CAMK1D: variants seen among roughly 807,000 people sequenced by gnomAD.
CAMK1D encodes calcium/calmodulin-dependent protein kinase type 1D.
In CAMK1D, 9 loss-of-function variants were observed where a neutral mutation model predicts 47.7. That is an observed-to-expected ratio of 0.19 (90% CI 0.11 to 0.33). The LOEUF is 0.33. Among genes scored for constraint, CAMK1D ranks in the 10% least tolerant of loss-of-function variants. The probability of loss-of-function intolerance (pLI) is 1.00; values close to 1 mark genes in which losing one functional copy is unlikely to be tolerated. For missense variants in CAMK1D, 291 were observed against 488.7 expected (o/e 0.60, Z 3.81); for synonymous variants, 184 against 184.9 (o/e 0.99, Z 0.04).
intron 1 of CAMK1D, among the ~76,000 whole-genome samples, chr10:12,399,491 A>G (rs547298877): frequency 2.4e-4 from 36 of 151,836 alleles, no homozygotes; most frequent in African/African-American, 8.7e-4. Context: ...GTGACAGAGC[A>G]AGACTCCGTC....
rs898245694 is a variant in CAMK1D at position 12,520,340 on chromosome 10, G to C, written c.93-32885G>C. Among the ~76,000 whole-genome samples, 3 of 93,906 alleles carry C rather than the reference G, an allele frequency of 3.2e-5. 1 individual carries two copies. In the South Asian group the frequency reaches 1.6e-3, roughly 50 times the overall value. 61.6% of individuals were successfully genotyped at this position (93,906 alleles called of 152,430 possible). A position where few individuals can be genotyped will look rare whatever the true frequency, so the allele number is the denominator to read the frequency against. ...CCCACTCAGACGATGGGCGGGTCAG[G>C]CAGAGATGCTCCTCACTTCCTAGTT... On this transcript the variant is annotated intron_variant, in intron 1 of 10. Coordinates refer to ENST00000619168, the MANE Select transcript of CAMK1D (RefSeq NM_153498.4).
intron 2 of CAMK1D, among the ~76,000 whole-genome samples, chr10:12,601,794 C>G (rs538641269): frequency 6.6e-6 from 1 of 152,304 alleles, no homozygotes; most frequent in South Asian, 2.1e-4. Context: ...AAATTCTAAA[C>G]ACAGTGGCAA....
chr10:12,466,189 C>T (rs1023707993), intron 1 of CAMK1D, among the ~76,000 whole-genome samples: 5 of 151,918 alleles, frequency 3.3e-5, no homozygotes, highest in South Asian at 4.2e-4. Context: ...GGGCAGATCA[C>T]GAGGTCAGGA....
chr10:12,773,089 G>A (rs1837114915), intron 5 of CAMK1D, among the ~76,000 whole-genome samples: 1 of 152,148 alleles, frequency 6.6e-6, no homozygotes, highest in South Asian at 2.1e-4. Context: ...CCTTGTCATG[G>A]TGTGATCACA....
intron 2 of CAMK1D, among the ~76,000 whole-genome samples, chr10:12,628,787 C>T (rs1251595203): frequency 1.3e-5 from 2 of 152,196 alleles, no homozygotes; most frequent in African/African-American, 2.4e-5. Flanking sequence ...TCTTCCCTCC[C>T]TTCCCCTTCT....
At chr10:12,722,946 G>A (rs941725662) in intron 3 of CAMK1D, among the ~76,000 whole-genome samples, 7 of 152,252 alleles carry the variant, frequency 4.6e-5, no homozygotes, top group African/African-American at 1.2e-4. Flanking sequence ...AGGTATAATC[G>A]GTGCTCTCGG....
At chr10:12,797,791 G>T (rs1041239654) in intron 6 of CAMK1D, among the ~76,000 whole-genome samples, 2 of 152,238 alleles carry the variant, frequency 1.3e-5, no homozygotes, top group Admixed American at 1.3e-4. Flanking sequence ...TGCAGCTTTA[G>T]TTGCAGGCAG....
At chr10:12,753,592 C>T (rs1174022863) in intron 3 of CAMK1D, among the ~76,000 whole-genome samples, 1 of 152,194 alleles carries the variant, frequency 6.6e-6, no homozygotes, top group Non-Finnish European at 1.5e-5. Context: ...TTAGAACGGG[C>T]TGCCTCACCC....
At chr10:12,409,496 C>T (rs917060752) in intron 1 of CAMK1D, among the ~76,000 whole-genome samples, 2 of 152,204 alleles carry the variant, frequency 1.3e-5, no homozygotes, top group African/African-American at 4.8e-5. Context: ...GTGGCCCAGG[C>T]TGCTCTTGAA....
chr10:12,421,423 A>G (rs891933151), intron 1 of CAMK1D, among the ~76,000 whole-genome samples: 1 of 151,086 alleles, frequency 6.6e-6, no homozygotes, highest in Non-Finnish European at 1.5e-5. Context: ...GTCCAGCCAG[A>G]ATGATCAAAC....
At chr10:12,414,786 G>C (rs565267647) in intron 1 of CAMK1D, among the ~76,000 whole-genome samples, 12 of 152,164 alleles carry the variant, frequency 7.9e-5, no homozygotes, top group Admixed American at 7.2e-4. Flanking sequence ...TTGATTAGTT[G>C]AATGATTGAT....
chr10:12,557,123 A>G (rs1836786578), intron 2 of CAMK1D, among the ~76,000 whole-genome samples: 1 of 152,304 alleles, frequency 6.6e-6, no homozygotes, highest in Admixed American at 6.5e-5. Flanking sequence ...GGGCAGGTCA[A>G]GAGTCTGGAC....
intron 1 of CAMK1D, among the ~76,000 whole-genome samples, chr10:12,381,145 C>G (rs188536597): frequency 4.7e-4 from 72 of 152,202 alleles, no homozygotes; most frequent in African/African-American, 1.6e-3. Flanking sequence ...AAAATAATAG[C>G]AAAAGGAGGT....
chr10:12,559,328 C>T (rs150210485), intron 2 of CAMK1D, among the ~76,000 whole-genome samples: 7 of 152,242 alleles, frequency 4.6e-5, no homozygotes, highest in African/African-American at 1.7e-4. Flanking sequence ...TGCTGATGCG[C>T]AGGCCCCATT....
At chr10:12,481,790 A>G (rs1015925410) in intron 1 of CAMK1D, among the ~76,000 whole-genome samples, 13 of 152,112 alleles carry the variant, frequency 8.5e-5, no homozygotes, top group African/African-American at 2.7e-4. Flanking sequence ...TTACAGGTGT[A>G]GGCCACCACG....
At chr10:12,518,891 C>G (rs1835294986) in intron 1 of CAMK1D, among the ~76,000 whole-genome samples, 1 of 129,030 alleles carries the variant, frequency 7.8e-6, no homozygotes, top group Admixed American at 7.5e-5. Flanking sequence ...CTACTTCTTT[C>G]TACACAGACC....
chr10:12,656,285 CT>C (rs1840112960), intron 2 of CAMK1D, among the ~76,000 whole-genome samples: 1 of 152,108 alleles, frequency 6.6e-6, no homozygotes, highest in South Asian at 2.1e-4. Context: ...AAGAAAATAC[CT>C]TCAGGACCAG....
At chr10:12,718,857 G>T (rs1350441704) in intron 3 of CAMK1D, among the ~76,000 whole-genome samples, 2 of 151,876 alleles carry the variant, frequency 1.3e-5, no homozygotes, top group Non-Finnish European at 2.9e-5. Flanking sequence ...TCATAACTGG[G>T]CCACCTAACT....
intron 3 of CAMK1D, among the ~76,000 whole-genome samples, chr10:12,743,491 G>A (rs1417936888): frequency 6.6e-6 from 1 of 151,952 alleles, no homozygotes; most frequent in Non-Finnish European, 1.5e-5. Flanking sequence ...ATAAAAAAAG[G>A]GAAGAATGCA....
Sources: gnomAD v4.1 joint callset for allele counts (sites outside exome capture counted in the v4.1 genomes callset) on GRCh38, gnomAD v4.1.1 for gene constraint, MANE v1.5 for transcripts, NCBI Gene and HGNC (gene_info 2026-07-23, HGNC 2026-07-21) for gene names.